UNC13A: variants seen among roughly 807,000 people sequenced by gnomAD.
UNC13A encodes the protein unc-13 homolog A, also known as protein unc-13 homolog A.
Under a neutral mutation model 219.7 loss-of-function variants are expected in UNC13A, and 61 were observed. That is an observed-to-expected ratio of 0.28 (90% CI 0.23 to 0.34). The LOEUF is 0.34. Ranked by LOEUF, UNC13A falls within the 10% of genes least tolerant of loss-of-function variation. The pLI is 1.00. For synonymous variants in UNC13A, 920 were observed against 884.6 expected, an observed-to-expected ratio of 1.04 and a Z score of -0.71; for missense variants, 1,476 against 2,270.3, an observed-to-expected ratio of 0.65 and a Z score of 7.11.
chr19:17,634,765 G>A (rs936995331), intron 26 of UNC13A, among the ~76,000 whole-genome samples: 1 of 152,144 alleles, frequency 6.6e-6, no homozygotes. Context: ...GCGCAATCTC[G>A]ACTCACTGCA....
At chr19:17,655,039 C>T (rs1043541278) in intron 11 of UNC13A, among the ~76,000 whole-genome samples, 19 of 151,968 alleles carry the variant, frequency 1.3e-4, no homozygotes, top group Admixed American at 3.3e-4. Context: ...GGTGGGGCAT[C>T]GGTGACATTG....
At chr19:17,673,727 T>C (rs1281416280) in intron 3 of UNC13A, among the ~76,000 whole-genome samples, 2 of 144,758 alleles carry the variant, frequency 1.4e-5, no homozygotes, top group African/African-American at 2.6e-5. Flanking sequence ...AAAAATTCCA[T>C]TGGCCAGGCA....
At position 17,674,644 on chromosome 19, in the gene UNC13A, G is replaced by T. The variant is rs375702650; in HGVS notation, c.152+13C>A. On this transcript the variant is annotated intron_variant, in intron 3 of 43. Transcript: ENST00000519716. This position sits in a 1 kb window ranked among gnomAD's most constrained non-coding sequence, Gnocchi z 5.0. ...GCCAGGGAGTGAGGTCATGCCAGAC[G>T]CTGCAGACTCACAACATGAAATCCT... The T allele has an allele frequency of 1.2e-6, 2 of 1,612,346 alleles. No individual in the cohort carries two copies. Among genetic ancestry groups the T allele is most frequent in the Non-Finnish European group, 1.7e-6 (2 of 1,178,804 alleles).
chr19:17,629,151 C>G (rs1372331880), intron 31 of UNC13A, 89 bp downstream of exon 31: 2 of 1,148,096 alleles, frequency 1.7e-6, no homozygotes, highest in East Asian at 2.6e-5. Context: ...ATACATAGCC[C>G]CAGGTGTCAG....
rs956409040 is a variant in UNC13A, at chr19:17,618,839, G to A, written c.4329+67C>T. ...CCTGGGACCCCTCCCCCAGGATGGTGGCAACCTGGAAGCCACATGAGTTTG... is the reference window on the plus strand; with the variant it reads ...CCTGGGACCCCTCCCCCAGGATGGTAGCAACCTGGAAGCCACATGAGTTTG... On this transcript the variant is annotated intron_variant, in intron 39 of 43. Coordinates refer to ENST00000519716, the MANE Select transcript of UNC13A (RefSeq NM_001080421.3). 2.0e-6 allele frequency: 3 copies of A among 1,537,746 alleles called. No homozygotes were observed. The South Asian group carries it at 3.4e-5, about 17-fold the overall frequency.
chr19:17,656,838 G>C (rs952659807), intron 9 of UNC13A, among the ~76,000 whole-genome samples: 2 of 123,236 alleles, frequency 1.6e-5, no homozygotes, highest in African/African-American at 6.7e-5. Flanking sequence ...GGCAACAAGA[G>C]CGAAATTCCG....
At chr19:17,621,632 T>C (rs944715004) in intron 37 of UNC13A, among the ~76,000 whole-genome samples, 200 bp downstream of exon 37, 1 of 152,068 alleles carries the variant, frequency 6.6e-6, no homozygotes, top group Non-Finnish European at 1.5e-5. Flanking sequence ...AGTTCACATG[T>C]GGACACACAC....
chr19:17,677,714 G>A (rs890266081), intron 1 of UNC13A, among the ~76,000 whole-genome samples: 2 of 151,850 alleles, frequency 1.3e-5, no homozygotes, highest in Non-Finnish European at 2.9e-5. Flanking sequence ...TTTCAAATTA[G>A]TGTCTTTGTT....
rs749625593 is a variant in UNC13A, at chr19:17,659,158, A to G, written c.560-889T>C. Among the ~76,000 whole-genome samples the G allele has an allele frequency of 7.1e-4, 108 of 152,230 alleles. 1 individual carries two copies. The highest frequency in any genetic ancestry group is 2.1e-4 in the Non-Finnish European group (14 of 68,040). On this transcript the variant is annotated intron_variant, in intron 8 of 43. Transcript: ENST00000519716. The stretch of plus-strand genomic sequence containing the variant: ...GTTATCTTTATTTTAAAAGTAAAGC[A>G]AAGGCCGGGCACAGTGGCTCACACC...
intron 1 of UNC13A, among the ~76,000 whole-genome samples, chr19:17,680,089 G>T (rs576876188): frequency 1.3e-5 from 2 of 151,834 alleles, no homozygotes; most frequent in African/African-American, 4.8e-5. Flanking sequence ...GTGGCGAGGG[G>T]GTTCTCAGGA....
intron 35 of UNC13A, among the ~76,000 whole-genome samples, chr19:17,624,249 C>T (rs1319937391): frequency 6.6e-6 from 1 of 151,338 alleles, no homozygotes; most frequent in African/African-American, 2.4e-5. Context: ...GCCTCAGTTT[C>T]CCAAGAAGCC....
At chr19:17,654,885 T>A (rs1220673521) in intron 11 of UNC13A, among the ~76,000 whole-genome samples, 1 of 152,158 alleles carries the variant, frequency 6.6e-6, no homozygotes, top group Non-Finnish European at 1.5e-5. Flanking sequence ...AACCCCAGGC[T>A]GACATTGGGA....
Position 17,647,323 on chromosome 19 carries a change from C to G in UNC13A, c.1986G>C (p.Ala662=), listed in dbSNP as rs773611773. 1.1e-5 allele frequency: 18 copies of G among 1,610,768 alleles called. No individual in the cohort carries two copies. The highest frequency in any genetic ancestry group is 1.7e-4 in the Middle Eastern group (1 of 6,056). Residue 662 remains alanine, a synonymous_variant, in exon 17 of 44, where the codon GCG becomes GCC. Coordinates refer to ENST00000519716, the MANE Select transcript of UNC13A (RefSeq NM_001080421.3). ...TGCCGTCCAGCACGCTCTGCTTGAC[C>G]GCCTTCATCTGCTGCGTGTGCGCCG... ...TKTAHTQQMK[A]VKQSVLDGTS...
chr19:17,634,500 G>T (rs1055562872), intron 26 of UNC13A, among the ~76,000 whole-genome samples: 1 of 152,046 alleles, frequency 6.6e-6, no homozygotes, highest in African/African-American at 2.4e-5. Context: ...CACTATGCCC[G>T]GCTAATTTTT....
rs367737921 is a variant in UNC13A at position 17,674,693 on chromosome 19, C to T, written c.116G>A (p.Arg39Gln). 1.9e-6 allele frequency: 3 copies of T among 1,613,916 alleles called. No individual in the cohort carries two copies. Among genetic ancestry groups the T allele is most frequent in the Non-Finnish European group, 1.7e-6 (2 of 1,179,880 alleles). The change falls in exon 3 of 44, where the codon CGG becomes CAG. Residue 39 changes from arginine to glutamine, a missense_variant. Physicochemically the swap from Arg to Gln is conservative, Grantham distance 43. Coordinates refer to ENST00000519716, the MANE Select transcript of UNC13A (RefSeq NM_001080421.3). This position sits in a 1 kb window ranked among gnomAD's most constrained non-coding sequence, Gnocchi z 5.0. ...CTGCTCCCAGCTGGGCTGGCTGCCC[C>T]GCACCGCGATGGTCGTGCTCTTGAC... ...QNVKSTTIAV[R>Q]GSQPSWEQDF...
intron 39 of UNC13A, 148 bp downstream of exon 39, chr19:17,618,758 C>T: frequency 4.9e-6 from 4 of 808,356 alleles, no homozygotes; most frequent in Non-Finnish European, 6.2e-6. Context: ...GAGCAAATAT[C>T]TTGTGCTTCA....
At chr19:17,651,697 G>A (rs2079352186) in intron 12 of UNC13A, among the ~76,000 whole-genome samples, 2 of 152,064 alleles carry the variant, frequency 1.3e-5, no homozygotes, top group African/African-American at 2.4e-5. Flanking sequence ...GGTTTCTCCC[G>A]AGAGCACATC....
intron 11 of UNC13A, among the ~76,000 whole-genome samples, chr19:17,654,555 C>T (rs1310548119): frequency 6.6e-6 from 1 of 152,196 alleles, no homozygotes; most frequent in Non-Finnish European, 1.5e-5. Context: ...TGAAGAGCAA[C>T]ACAGCTGTCC....
At chr19:17,675,403 G>A (rs544017394) in intron 2 of UNC13A, among the ~76,000 whole-genome samples, 8 of 151,758 alleles carry the variant, frequency 5.3e-5, no homozygotes, top group South Asian at 4.1e-4. Flanking sequence ...AGGCCGAGGC[G>A]GGCGGATCAT....
Sources: gnomAD v4.1 joint callset for allele counts (sites outside exome capture counted in the v4.1 genomes callset) on GRCh38, gnomAD v4.1.1 for gene constraint, Gnocchi (gnomAD v3.1) non-coding constraint, MANE v1.5 for transcripts, NCBI Gene and HGNC (gene_info 2026-07-23, HGNC 2026-07-21) for gene names.